Variants in BCAS3 observed in about 807,000 individuals in gnomAD.
The protein encoded by BCAS3 is BCAS3 microtubule associated cell migration factor, also known as BCAS4/BCAS3 fusion.
BCAS3 carries 53 observed loss-of-function variants against 116.1 expected under a neutral mutation model. The observed-to-expected ratio is 0.46, with a 90% CI of 0.37 to 0.57. BCAS3 has a LOEUF of 0.57. Ranked by LOEUF, BCAS3 falls within the 20% of genes least tolerant of loss-of-function variation. BCAS3 has a pLI of 0.00. For synonymous variants in BCAS3, 391 were observed against 408.2 expected, an observed-to-expected ratio of 0.96 and a Z score of 0.51; for missense variants, 917 against 1,165.4, an observed-to-expected ratio of 0.79 and a Z score of 3.10.
rs368289350 is a variant in BCAS3 at position 60,814,306 on chromosome 17, T to TGTGTGTGCGCGTGCGC, written c.476+6231_476+6232insTGTGTGCGCGTGCGCG. 2.5e-3 allele frequency among the ~76,000 whole-genome samples: 368 copies of TGTGTGTGCGCGTGCGC among 148,302 alleles called. 2 individuals carry two copies. The Middle Eastern group carries it at 0.032, about 13-fold the overall frequency. ...GTGTGTGTGTGTGTGTGTGTGTGTGTGCGCGCGTGCCCATTGCAAATGGGA... is the reference window on the plus strand; with the variant it reads ...GTGTGTGTGTGTGTGTGTGTGTGTGTGTGTGTGCGCGTGCGCGCGCGCGTGCCCATTGCAAATGGGA... On this transcript the variant is annotated intron_variant, in intron 7 of 23. Transcript: ENST00000407086.
chr17:60,833,985 T>G (rs2051160375), intron 7 of BCAS3, among the ~76,000 whole-genome samples: 1 of 152,082 alleles, frequency 6.6e-6, no homozygotes, highest in Non-Finnish European at 1.5e-5. Context: ...TATATTTCAC[T>G]ATAAAATAAC....
rs530719784 is a variant in BCAS3, at chr17:61,315,112, C to T, written c.2426-53215C>T. On this transcript the variant is annotated intron_variant, in intron 22 of 23. Coordinates refer to ENST00000407086, the MANE Select transcript of BCAS3 (RefSeq NM_017679.5). The surrounding 1 kb of genome is among the most constrained non-coding windows in gnomAD (Gnocchi z 5.3). ...CGCCACACTGCTCAGCCTACACTCC[C>T]TTTTCTTTTTCTTTTTTTCGCGAGA... Among the ~76,000 whole-genome samples, 30 of 152,092 alleles carry T rather than the reference C, an allele frequency of 2.0e-4. No homozygotes were observed. The highest frequency in any genetic ancestry group is 4.1e-4 in the Non-Finnish European group (28 of 68,008).
Position 61,106,579 on chromosome 17 carries a change from G to T in BCAS3, c.2425+22015G>T, listed in dbSNP as rs546104321. 6.6e-6 allele frequency among the ~76,000 whole-genome samples: 1 copy of T among 152,216 alleles called. No homozygotes were observed. Among genetic ancestry groups the T allele is most frequent in the Non-Finnish European group, 1.5e-5 (1 of 68,036 alleles). Reference sequence around the variant, plus strand: ...ACACATCTTTGTTGTTAAGCAATGCGTGGGTGTATAGTGTTGGTACTGTCC... The same window carrying T: ...ACACATCTTTGTTGTTAAGCAATGCTTGGGTGTATAGTGTTGGTACTGTCC... On this transcript the variant is annotated intron_variant, in intron 22 of 23. Transcript: ENST00000407086. The surrounding 1 kb of genome is among the most constrained non-coding windows in gnomAD (Gnocchi z 4.2).
chr17:60,860,839 A>G (rs1365056491), intron 7 of BCAS3, among the ~76,000 whole-genome samples: 4 of 151,958 alleles, frequency 2.6e-5, no homozygotes, highest in African/African-American at 9.7e-5. Flanking sequence ...AACCTGTTCC[A>G]TTGGTCTATG....
At chr17:60,777,567 A>C (rs555510844) in intron 6 of BCAS3, among the ~76,000 whole-genome samples, 75 of 152,240 alleles carry the variant, frequency 4.9e-4, no homozygotes, top group African/African-American at 1.7e-3. Flanking sequence ...TGGAGTTTGT[A>C]GTGAGCTGAG....
intron 3 of BCAS3, chr17:60,688,209 A>G (rs1472111161): frequency 6.6e-6 from 1 of 152,204 alleles, no homozygotes; most frequent in Non-Finnish European, 1.5e-5. Context: ...GTGAAATCCA[A>G]ATAATGTCTG....
At chr17:61,042,626 G>A (rs1423038786) in intron 19 of BCAS3, among the ~76,000 whole-genome samples, 1 of 151,810 alleles carries the variant, frequency 6.6e-6, no homozygotes, top group Admixed American at 6.6e-5. Context: ...AGTGGCTCAC[G>A]TCTGTAATCC....
chr17:60,743,069 C>T (rs148419096), intron 5 of BCAS3, among the ~76,000 whole-genome samples: 4,668 of 149,132 alleles, frequency 0.031, 235 homozygotes, highest in African/African-American at 0.1. Context: ...GCCAAGATCG[C>T]GCCACTGCAC....
chr17:61,037,124 T>C lies in BCAS3; in HGVS notation c.1763-765T>C, dbSNP rs976725884. 1.3e-5 allele frequency among the ~76,000 whole-genome samples: 2 copies of C among 152,158 alleles called. No individual in the cohort carries two copies. The highest frequency in any genetic ancestry group is 2.9e-5 in the Non-Finnish European group (2 of 68,024). The stretch of plus-strand genomic sequence containing the variant: ...CACAAATTTAAGTTCTAAATTTAAG[T>C]CTTCTGAGAAAAAAAATAGATGAGA... On this transcript the variant is annotated intron_variant, in intron 17 of 23. Coordinates refer to ENST00000407086, the MANE Select transcript of BCAS3 (RefSeq NM_017679.5). This position sits in a 1 kb window ranked among gnomAD's most constrained non-coding sequence, Gnocchi z 4.7.
At chr17:61,101,821 T>A (rs1373311950) in intron 22 of BCAS3, among the ~76,000 whole-genome samples, 1 of 152,150 alleles carries the variant, frequency 6.6e-6, no homozygotes, top group Non-Finnish European at 1.5e-5. Context: ...TTTAAGGAAG[T>A]GCAGATATGA....
chr17:61,045,989 TTA>T (rs1183653198), intron 19 of BCAS3, among the ~76,000 whole-genome samples: 256 of 9,560 alleles, frequency 0.027, 12 homozygotes, highest in African/African-American at 0.095. Flanking sequence ...ATATATATAT[TTA>T]TATATATATA....
chr17:61,254,777 G>GAA (rs61471068), intron 22 of BCAS3, among the ~76,000 whole-genome samples: 2 of 73,532 alleles, frequency 2.7e-5, no homozygotes, highest in African/African-American at 6.3e-5. Context: ...CTCCGTCTCA[G>GAA]AAAAAAAAAA....
intron 22 of BCAS3, among the ~76,000 whole-genome samples, chr17:61,295,989 G>A (rs1358884397): frequency 3.3e-5 from 5 of 151,790 alleles, no homozygotes; most frequent in African/African-American, 7.3e-5. Context: ...ATTTCCGTAG[G>A]TCATCACAAT....
chr17:61,260,720 C>G (rs1422230357), intron 22 of BCAS3, among the ~76,000 whole-genome samples: 5 of 152,226 alleles, frequency 3.3e-5, no homozygotes, highest in Non-Finnish European at 7.3e-5. Context: ...TTGAGAGACA[C>G]TTTGTACCGA....
rs1374506195 is a variant in BCAS3 at position 61,082,338 on chromosome 17, T to G, written c.2328-2129T>G. 3.3e-5 allele frequency among the ~76,000 whole-genome samples: 5 copies of G among 152,184 alleles called. No individual in the cohort carries two copies. Among genetic ancestry groups the G allele is most frequent in the African/African-American group, 1.2e-4 (5 of 41,440 alleles). Reference sequence around the variant, plus strand: ...ATCCATCCCACTAATTTCAGAACGTTTCCATCATCCCAACCAGTTTTTCTC... The same window carrying G: ...ATCCATCCCACTAATTTCAGAACGTGTCCATCATCCCAACCAGTTTTTCTC... On this transcript the variant is annotated intron_variant, in intron 21 of 23. Transcript: ENST00000407086. This position sits in a 1 kb window ranked among gnomAD's most constrained non-coding sequence, Gnocchi z 5.1.
chr17:61,002,263 T>C (rs1036093964), intron 15 of BCAS3, among the ~76,000 whole-genome samples: 2 of 152,154 alleles, frequency 1.3e-5, no homozygotes, highest in East Asian at 3.8e-4. Flanking sequence ...ACACATTTCT[T>C]TTCTCTGTAA....
At chr17:60,970,721 G>A (rs1023360749) in intron 14 of BCAS3, among the ~76,000 whole-genome samples, 13 of 152,136 alleles carry the variant, frequency 8.5e-5, no homozygotes, top group Admixed American at 2.6e-4. Context: ...TAAAATAAAT[G>A]TATGCATCTA....
chr17:60,745,933 TA>T (rs1229102257), intron 5 of BCAS3, among the ~76,000 whole-genome samples: 1 of 151,724 alleles, frequency 6.6e-6, no homozygotes, highest in African/African-American at 2.4e-5. Flanking sequence ...GCTGAAAATC[TA>T]AAAAAGTAGT....
chr17:60,695,223 C>T (rs546086099), intron 4 of BCAS3, among the ~76,000 whole-genome samples: 23 of 150,664 alleles, frequency 1.5e-4, no homozygotes, highest in Admixed American at 1.1e-3. Context: ...CAGGTTCAAG[C>T]GATTCTCCTG....
Sources: allele counts gnomAD v4.1 joint callset (sites outside exome capture counted in the v4.1 genomes callset), GRCh38; gene constraint gnomAD v4.1.1; non-coding constraint Gnocchi (gnomAD v3.1); transcripts MANE v1.5; gene names NCBI Gene and HGNC (gene_info 2026-07-23, HGNC 2026-07-21).